Variants in APOH observed in about 807,000 individuals in gnomAD.
APOH encodes the protein apolipoprotein H.
In APOH, 48 loss-of-function variants were observed where a neutral mutation model predicts 39.8. That is an observed-to-expected ratio of 1.21 (90% CI 0.96 to 1.54). APOH has a LOEUF of 1.54. Among genes scored for constraint, APOH ranks in the 40% most tolerant of loss-of-function variants. APOH has a pLI of 0.00. For synonymous variants in APOH, 153 were observed against 151.1 expected, an observed-to-expected ratio of 1.01 and a Z score of -0.09; for missense variants, 415 against 421.2, an observed-to-expected ratio of 0.99 and a Z score of 0.13.
At chr17:66,227,888 A>G (rs1322008238) in intron 2 of APOH, 132 bp downstream of exon 2, 1 of 904,622 alleles carries the variant, frequency 1.1e-6, no homozygotes, top group Non-Finnish European at 1.7e-6. Context: ...AGACCTTCTC[A>G]TTTCTCTCCA....
At chr17:66,227,939 A>C in intron 2 of APOH, 81 bp downstream of exon 2, 1 of 1,474,524 alleles carries the variant, frequency 6.8e-7, no homozygotes, top group Non-Finnish European at 9.3e-7. Context: ...CTGCACTCTG[A>C]GCATGACGAG....
chr17:66,222,503 C>T (rs891044730), intron 4 of APOH, among the ~76,000 whole-genome samples: 34 of 149,676 alleles, frequency 2.3e-4, no homozygotes, highest in South Asian at 1.1e-3. Flanking sequence ...TAAAAACTTT[C>T]GTTTTTGCTT....
rs372207366 is a variant in APOH at position 66,220,711 on chromosome 17, C to T, written c.447G>A (p.Thr149=). The change falls in exon 5 of 8, where the codon ACG becomes ACA. Residue 149 remains threonine, a synonymous_variant. Coordinates refer to ENST00000205948, the MANE Select transcript of APOH (RefSeq NM_000042.3). ...PIICPPPSIP[T]FATLRVYKPS... ...GCTTATAAACACGAAGTGTTGCAAA[C>T]GTAGGTATGGATGGTGGAGGGCAGA... 23 of 1,613,264 alleles carry T rather than the reference C, an allele frequency of 1.4e-5. No homozygotes were observed. Among genetic ancestry groups the T allele is most frequent in the Admixed American group, 3.3e-5 (2 of 59,940 alleles).
At chr17:66,212,674 T>C (rs998265855) in intron 7 of APOH, among the ~76,000 whole-genome samples, 2 of 152,218 alleles carry the variant, frequency 1.3e-5, no homozygotes, top group African/African-American at 4.8e-5. Context: ...CCACTGCGCC[T>C]GGCCAAGATC....
chr17:66,225,878 A>G (rs1256339182), intron 3 of APOH, 150 bp downstream of exon 3: 1 of 362,310 alleles, frequency 2.8e-6, no homozygotes, highest in Non-Finnish European at 4.9e-6. Context: ...CTCCGTCTCA[A>G]AAAAAAAAAA....
chr17:66,216,500 A>G (rs912431446), intron 6 of APOH, among the ~76,000 whole-genome samples: 18 of 148,286 alleles, frequency 1.2e-4, no homozygotes, highest in African/African-American at 4.5e-4. Context: ...AAAAAAAAAG[A>G]GTGCTCAGAG....
intron 3 of APOH, among the ~76,000 whole-genome samples, chr17:66,224,000 C>G (rs2146997568): frequency 6.6e-6 from 1 of 152,276 alleles, no homozygotes; most frequent in East Asian, 1.9e-4. Context: ...GTGGAGAATC[C>G]AAACCCTTAA....
Position 66,223,577 on chromosome 17 carries a change from C to A in APOH, c.415+121G>T, listed in dbSNP as rs2073415855. 3 of 849,938 alleles carry A rather than the reference C, an allele frequency of 3.5e-6. No homozygotes were observed. In the South Asian group the frequency reaches 4.6e-5, roughly 13 times the overall value. The allele number at this position is 849,938 out of a possible 1,614,324, so 52.6% of individuals were successfully genotyped here. On this transcript the variant is annotated intron_variant, in intron 4 of 7. Transcript: ENST00000205948. ...GCAAGATACCAGGATGAATATCCCC[C>A]ACAAGGGTGACCATTCATCTCATTG...
At position 66,216,166 on chromosome 17, in the gene APOH, C is replaced by CAAAA. The variant is rs35488139; in HGVS notation, c.784+618_784+621dup. ...TAGGCAACAGAGTGAGACTCCATCT[C>CAAAA]AAAAAAAAAAAAAAAGACTCCATGT... is the stretch of plus-strand genomic sequence containing the variant. On this transcript the variant is annotated intron_variant, in intron 6 of 7. Coordinates refer to ENST00000205948, the MANE Select transcript of APOH (RefSeq NM_000042.3). Among the ~76,000 whole-genome samples, 109 of 108,308 alleles carry CAAAA rather than the reference C, an allele frequency of 1.0e-3. 1 individual carries two copies. The highest frequency in any genetic ancestry group is 3.5e-3 in the African/African-American group (105 of 29,826). 71.1% of individuals were successfully genotyped at this position (108,308 alleles called of 152,430 possible). A position where few individuals can be genotyped will look rare whatever the true frequency, so the allele number is the denominator to read the frequency against.
intron 3 of APOH, 54 bp from the exon 4 acceptor site, chr17:66,223,828 C>G: frequency 7.0e-7 from 1 of 1,438,844 alleles, no homozygotes; most frequent in South Asian, 1.1e-5. Flanking sequence ...TCACTGACAT[C>G]TCAAATATCT....
chr17:66,228,324 C>G, intron 1 of APOH, 128 bp from the exon 2 acceptor site: 1 of 856,260 alleles, frequency 1.2e-6, no homozygotes, highest in Non-Finnish European at 1.8e-6. Context: ...TGCCAAATAC[C>G]TCATATACAC....
intron 2 of APOH, 26 bp downstream of exon 2, chr17:66,227,994 G>A: frequency 6.3e-7 from 1 of 1,597,412 alleles, no homozygotes; most frequent in South Asian, 1.1e-5. Context: ...TGAGGGAAGA[G>A]AATGTGAGAG....
chr17:66,214,324 G>A (rs1465272307), intron 7 of APOH, 129 bp downstream of exon 7: 3 of 845,834 alleles, frequency 3.5e-6, no homozygotes. Context: ...CTCCCAAAGT[G>A]CTGGGATTAC....
intron 6 of APOH, among the ~76,000 whole-genome samples, chr17:66,215,242 C>G (rs915879122): frequency 1.3e-5 from 2 of 152,192 alleles, no homozygotes; most frequent in African/African-American, 2.4e-5. Context: ...CTCCAGAGCT[C>G]CCAGTGGGAT....
chr17:66,214,477 T>C lies in APOH; in HGVS notation c.958A>G (p.Ile320Val), dbSNP rs776623256. 1.2e-6 allele frequency: 2 copies of C among 1,613,908 alleles called. No individual in the cohort carries two copies. The highest frequency in any genetic ancestry group is 2.2e-5 in the East Asian group (1 of 44,882). The change falls in exon 7 of 8, where the codon ATC becomes GTC. Residue 320 changes from isoleucine to valine, a missense_variant. Ile to Val is a conservative substitution (Grantham distance 29). Transcript: ENST00000205948. ...CCCTTGAAGCATTTGGGGACTTCGA[T>C]AGTGCCATCTATACACTGAGCATCC... ...TEDAQCIDGT[I>V]EVPKCFKEHS...
chr17:66,216,244 A>C (rs1409689392), intron 6 of APOH, among the ~76,000 whole-genome samples: 1 of 152,074 alleles, frequency 6.6e-6, no homozygotes, highest in African/African-American at 2.4e-5. Context: ...TTCTCTACAG[A>C]GGCCGAGGCG....
intron 3 of APOH, among the ~76,000 whole-genome samples, chr17:66,224,684 AAG>A (rs2073426760): frequency 1.2e-3 from 68 of 55,414 alleles, no homozygotes; most frequent in East Asian, 3.7e-3. Context: ...AAGGGAAGGG[AAG>A]GGAAGGGAAA....
At chr17:66,229,139 G>A (rs2147000980) in intron 1 of APOH, among the ~76,000 whole-genome samples, 177 bp downstream of exon 1, 1 of 152,214 alleles carries the variant, frequency 6.6e-6, no homozygotes, top group South Asian at 2.1e-4. Context: ...GTTTCACCAT[G>A]TTGGCCAGAC....
At position 66,220,672 on chromosome 17, in the gene APOH, G is replaced by A. The variant is rs1567739817; in HGVS notation, c.486C>T (p.Asn162=). 5.6e-6 allele frequency: 9 copies of A among 1,614,154 alleles called. No homozygotes were observed. Among genetic ancestry groups the A allele is most frequent in the Non-Finnish European group, 7.6e-6 (9 of 1,180,028 alleles). The change falls in exon 5 of 8, where the codon AAC becomes AAT. Residue 162 remains asparagine, a synonymous_variant. Coordinates refer to ENST00000205948, the MANE Select transcript of APOH (RefSeq NM_000042.3). ...CTGCTGTGTCCCGATAGAGGGAATT[G>A]TTTCCAGCTGATGGCTTATAAACAC... ...TLRVYKPSAG[N]NSLYRDTAVF... is the part of the protein sequence containing the mutation.
Sources: gnomAD v4.1 joint callset for allele counts (sites outside exome capture counted in the v4.1 genomes callset) on GRCh38, gnomAD v4.1.1 for gene constraint, MANE v1.5 for transcripts, NCBI Gene and HGNC (gene_info 2026-07-23, HGNC 2026-07-21) for gene names.